TMPRSS4: variants seen among roughly 807,000 people sequenced by gnomAD.
The protein encoded by TMPRSS4 is transmembrane serine protease 4, also known as transmembrane protease serine 4.
In TMPRSS4, 45 loss-of-function variants were observed where a neutral mutation model predicts 56.4. That is an observed-to-expected ratio of 0.80 (90% CI 0.63 to 1.02). TMPRSS4 has a LOEUF of 1.02. Among genes scored for constraint, TMPRSS4 ranks in the 50% least tolerant of loss-of-function variants. The pLI, the probability that TMPRSS4 is intolerant of heterozygous loss-of-function variation, is 0.00. For synonymous variants in TMPRSS4, 205 were observed against 211.0 expected, an observed-to-expected ratio of 0.97 and a Z score of 0.25; for missense variants, 546 against 556.7, an observed-to-expected ratio of 0.98 and a Z score of 0.19.
intron 3 of TMPRSS4, among the ~76,000 whole-genome samples, chr11:118,102,170 C>G (rs954355208): frequency 6.6e-6 from 1 of 152,082 alleles, no homozygotes; most frequent in Non-Finnish European, 1.5e-5. Context: ...CGCCTCCCCC[C>G]GACAGGCCCC....
chr11:118,088,259 A>C (rs941881966), intron 1 of TMPRSS4: 7 of 152,192 alleles, frequency 4.6e-5, no homozygotes, highest in Non-Finnish European at 1.0e-4. Flanking sequence ...TAAAATGGGG[A>C]CAATTTCTCA....
At chr11:118,103,073 T>TCTGCCTCTCC (rs757730204) in intron 3 of TMPRSS4, 28 bp from the exon 4 acceptor site, 7 of 1,612,640 alleles carry the variant, frequency 4.3e-6, no homozygotes, top group Non-Finnish European at 5.9e-6. Flanking sequence ...CTCAGCCCTC[T>TCTGCCTCTCC]CTGCCTCTCC....
At chr11:118,082,079 C>A (rs1334692929) in intron 1 of TMPRSS4, among the ~76,000 whole-genome samples, 6 of 152,156 alleles carry the variant, frequency 3.9e-5, no homozygotes, top group Non-Finnish European at 7.3e-5. Flanking sequence ...GCTGGGAGAA[C>A]CTGTCCGGAC....
intron 6 of TMPRSS4, chr11:118,108,621 G>A: frequency 1.9e-6 from 1 of 519,932 alleles, no homozygotes; most frequent in African/African-American, 2.0e-5. Flanking sequence ...AAGCAGGCAG[G>A]GCCCAGCACA....
chr11:118,102,360 C>T (rs1946758262), intron 3 of TMPRSS4, among the ~76,000 whole-genome samples: 1 of 152,164 alleles, frequency 6.6e-6, no homozygotes, highest in Admixed American at 6.5e-5. Context: ...TATCATCATC[C>T]CATTGTACAG....
At chr11:118,108,422 A>G (rs1162136439) in intron 6 of TMPRSS4, 11 of 173,256 alleles carry the variant, frequency 6.3e-5, no homozygotes, top group African/African-American at 9.5e-5. Context: ...GCATTCAGGG[A>G]CGTTGCTGAG....
chr11:118,108,142 C>T lies in TMPRSS4; in HGVS notation c.542+267C>T, dbSNP rs139676823. 1.1e-5 allele frequency: 4 copies of T among 373,226 alleles called. No homozygotes were observed. The Admixed American group carries it at 1.6e-4, about 15-fold the overall frequency. 23.1% of individuals were successfully genotyped at this position (373,226 alleles called of 1,614,324 possible). ...GAGCCAGAGGGATGGATAATGTGAC[C>T]TTTCCATCAATCTGGATAGTAAATA... On this transcript the variant is annotated intron_variant, in intron 6 of 12. Coordinates refer to ENST00000437212, the MANE Select transcript of TMPRSS4 (RefSeq NM_019894.4).
chr11:118,099,444 G>GAGAGA (rs1946606966), intron 3 of TMPRSS4, among the ~76,000 whole-genome samples: 4 of 76,596 alleles, frequency 5.2e-5, no homozygotes, highest in African/African-American at 2.0e-4. Context: ...GAAAAAGAAA[G>GAGAGA]AAGAGAGAAA....
chr11:118,115,297 T>C lies in TMPRSS4; in HGVS notation c.1152+17T>C, dbSNP rs1591411342. 1 of 1,610,178 alleles carries C rather than the reference T, an allele frequency of 6.2e-7. No individual in the cohort carries two copies. Among genetic ancestry groups the C allele is most frequent in the South Asian group, 1.1e-5 (1 of 89,704 alleles). Reference sequence around the variant, plus strand: ...ACCTGCCAGGTGGGGCCTCCAAGAATCATGGGGAGTTCTAAGAATAGGGTT... The same window carrying C: ...ACCTGCCAGGTGGGGCCTCCAAGAACCATGGGGAGTTCTAAGAATAGGGTT... On this transcript the variant is annotated intron_variant, in intron 11 of 12. Transcript: ENST00000437212.
intron 1 of TMPRSS4, among the ~76,000 whole-genome samples, chr11:118,084,521 G>A (rs1256695688): frequency 6.6e-6 from 1 of 152,204 alleles, no homozygotes; most frequent in Non-Finnish European, 1.5e-5. Context: ...CAGGAGATTG[G>A]CTGCAGCAGC....
chr11:118,103,049 G>A (rs1946798688), intron 3 of TMPRSS4, 52 bp from the exon 4 acceptor site: 4 of 1,603,120 alleles, frequency 2.5e-6, no homozygotes, highest in Non-Finnish European at 3.4e-6. Context: ...GCGTCTCCCT[G>A]CTCAAGCCTG....
At chr11:118,114,758 C>T (rs112372669) in intron 9 of TMPRSS4, 71 bp from the exon 10 acceptor site, 1 of 1,406,248 alleles carries the variant, frequency 7.1e-7, no homozygotes, top group African/African-American at 1.4e-5. Context: ...AATCATAAAG[C>T]ATCATAATTT....
intron 11 of TMPRSS4, 152 bp downstream of exon 11, chr11:118,115,432 A>G: frequency 1.1e-6 from 1 of 948,850 alleles, no homozygotes; most frequent in South Asian, 1.7e-5. Context: ...AGGGAAGGAA[A>G]GGATAGTCAG....
chr11:118,090,820 A>AC (rs1491487114), intron 1 of TMPRSS4, among the ~76,000 whole-genome samples: 243 of 145,038 alleles, frequency 1.7e-3, no homozygotes, highest in African/African-American at 5.8e-3. Flanking sequence ...ACACACACAC[A>AC]AACACACACA....
At position 118,119,847 on chromosome 11, in the gene TMPRSS4, T is replaced by C. The variant is rs1428868004; in HGVS notation, c.*1934T>C. On this transcript the variant is annotated 3_prime_UTR_variant, in exon 13 of 13. Coordinates refer to ENST00000437212, the MANE Select transcript of TMPRSS4 (RefSeq NM_019894.4). ...ATACTAGTTCCACATTTTAAAATCA[T>C]GTTTAACTGTGGTCAAATGCACATA... 1 of 152,382 alleles carries C rather than the reference T, an allele frequency of 6.6e-6. No individual in the cohort carries two copies. The highest frequency in any genetic ancestry group is 1.5e-5 in the Non-Finnish European group (1 of 68,044). 9.4% of individuals were successfully genotyped at this position (152,382 alleles called of 1,614,324 possible). A position where few individuals can be genotyped will look rare whatever the true frequency, so the allele number is the denominator to read the frequency against.
intron 1 of TMPRSS4, among the ~76,000 whole-genome samples, chr11:118,087,920 T>C (rs1203176063): frequency 2.0e-5 from 3 of 152,240 alleles, no homozygotes; most frequent in South Asian, 2.1e-4. Context: ...TTTCCCAACA[T>C]GCTCTTTGAG....
chr11:118,089,535 C>A (rs1945809653), intron 1 of TMPRSS4, among the ~76,000 whole-genome samples: 3 of 152,126 alleles, frequency 2.0e-5, no homozygotes, highest in Admixed American at 2.0e-4. Context: ...TGTAATAAGC[C>A]TCCATAAACC....
intron 1 of TMPRSS4, among the ~76,000 whole-genome samples, chr11:118,080,479 C>T (rs904402251): frequency 1.2e-4 from 19 of 152,162 alleles, no homozygotes; most frequent in African/African-American, 4.3e-4. Context: ...CCAGCCTGAC[C>T]CTGGGGGTCA....
chr11:118,105,448 C>T (rs557118917), intron 5 of TMPRSS4: 1 of 151,988 alleles, frequency 6.6e-6, no homozygotes, highest in East Asian at 1.9e-4. Context: ...TATATTATAT[C>T]TATTTCATAA....
Sources: allele counts gnomAD v4.1 joint callset (sites outside exome capture counted in the v4.1 genomes callset), GRCh38; gene constraint gnomAD v4.1.1; transcripts MANE v1.5; gene names NCBI Gene and HGNC (gene_info 2026-07-23, HGNC 2026-07-21).